Variants in DGKD observed in about 807,000 individuals in gnomAD.
DGKD encodes diacylglycerol kinase delta.
Under a neutral mutation model 154.4 loss-of-function variants are expected in DGKD, and 68 were observed. The observed-to-expected ratio is 0.44, with a 90% confidence interval of 0.36 to 0.54. DGKD has a LOEUF of 0.54. DGKD is among the 20% of genes least tolerant of loss of function. The probability of loss-of-function intolerance (pLI) is 0.00; values close to 1 mark genes in which losing one functional copy is unlikely to be tolerated. For synonymous variants in DGKD, 693 were observed against 638.0 expected (o/e 1.09, Z -1.30); for missense variants, 1,343 against 1,593.6 (o/e 0.84, Z 2.68).
intron 1 of DGKD, among the ~76,000 whole-genome samples, chr2:233,380,292 G>A (rs1411113469): frequency 6.6e-6 from 1 of 152,128 alleles, no homozygotes; most frequent in African/African-American, 2.4e-5. Flanking sequence ...CCCTGGGGAC[G>A]CCAGCCTGCA....
Position 233,442,008 on chromosome 2 carries a change from G to T in DGKD, c.1194+13G>T. 6.2e-7 allele frequency: 1 copy of T among 1,611,996 alleles called. No homozygotes were observed. Among genetic ancestry groups the T allele is most frequent in the East Asian group, 2.2e-5 (1 of 44,876 alleles). On this transcript the variant is annotated intron_variant, in intron 10 of 29. Coordinates refer to ENST00000264057, the MANE Select transcript of DGKD (RefSeq NM_152879.3). ...CCTTCATAAACAGGTACCAGGACAGGAGGGAGCCCAGCCAGGAGCAGAGAG... is the reference window on the plus strand; with the variant it reads ...CCTTCATAAACAGGTACCAGGACAGTAGGGAGCCCAGCCAGGAGCAGAGAG...
chr2:233,448,660 T>C (rs1041912578), intron 14 of DGKD, among the ~76,000 whole-genome samples: 4 of 152,220 alleles, frequency 2.6e-5, no homozygotes, highest in African/African-American at 9.6e-5. Flanking sequence ...AAGTATCCCA[T>C]TGGCCACTTC....
chr2:233,441,999 C>T lies in DGKD; in HGVS notation c.1194+4C>T. 1.2e-6 allele frequency: 2 copies of T among 1,613,544 alleles called. No homozygotes were observed. Among genetic ancestry groups the T allele is most frequent in the Middle Eastern group, 1.7e-4 (1 of 6,060 alleles). On this transcript the variant is annotated splice_donor_region_variant and intron_variant, in intron 10 of 29. Transcript: ENST00000264057. The surrounding 1 kb of genome is among the most constrained non-coding windows in gnomAD (Gnocchi z 5.6). ...CAGCCTCAACCTTCATAAACAGGTA[C>T]CAGGACAGGAGGGAGCCCAGCCAGG...
At chr2:233,387,751 T>TG (rs1703282720) in intron 1 of DGKD, among the ~76,000 whole-genome samples, 1 of 152,068 alleles carries the variant, frequency 6.6e-6, no homozygotes, top group South Asian at 2.1e-4. Flanking sequence ...CTGTGAGTGG[T>TG]GGGTTGGGCT....
In DGKD at chr2:233,459,915, C is replaced by A; in HGVS notation, c.2829+24C>A. On this transcript the variant is annotated intron_variant, in intron 23 of 29. Transcript: ENST00000264057. The surrounding 1 kb of genome is among the most constrained non-coding windows in gnomAD (Gnocchi z 5.7). Reference sequence around the variant, plus strand: ...GGGTAAGAGCGGCTGCCCGCGGTACCTGGGTGGGGTACAGGGCTCACCTGT... The same window carrying A: ...GGGTAAGAGCGGCTGCCCGCGGTACATGGGTGGGGTACAGGGCTCACCTGT... 6.2e-7 allele frequency: 1 copy of A among 1,610,504 alleles called. No individual in the cohort carries two copies. Among genetic ancestry groups the A allele is most frequent in the Non-Finnish European group, 8.5e-7 (1 of 1,178,094 alleles).
intron 3 of DGKD, among the ~76,000 whole-genome samples, chr2:233,393,902 G>A (rs374211315): frequency 1.4e-4 from 21 of 151,506 alleles, no homozygotes; most frequent in South Asian, 1.0e-3. Context: ...GGCTGGTCTC[G>A]AACTCCTGAC....
At chr2:233,403,499 T>G (rs972121383) in intron 3 of DGKD, among the ~76,000 whole-genome samples, 2 of 151,454 alleles carry the variant, frequency 1.3e-5, no homozygotes, top group Non-Finnish European at 2.9e-5. Flanking sequence ...AGGTGGAGGT[T>G]GCAGTGAGCC....
At chr2:233,429,890 G>A (rs1006374313) in intron 3 of DGKD, among the ~76,000 whole-genome samples, 3 of 152,228 alleles carry the variant, frequency 2.0e-5, no homozygotes, top group Admixed American at 6.5e-5. Context: ...ATGCAGTGGC[G>A]ACCCAGTTCC....
intron 3 of DGKD, among the ~76,000 whole-genome samples, chr2:233,424,241 T>C (rs2062216881): frequency 6.6e-6 from 1 of 152,192 alleles, no homozygotes; most frequent in African/African-American, 2.4e-5. Flanking sequence ...TCATTTAAAG[T>C]GTCATTTATG....
At chr2:233,462,295 A>G (rs911773926) in intron 24 of DGKD, 53 bp from the exon 25 acceptor site, 2 of 1,451,336 alleles carry the variant, frequency 1.4e-6, no homozygotes, top group Admixed American at 3.5e-5. Context: ...GTATTGTGAA[A>G]GGCTGCCCTT....
Position 233,367,851 on chromosome 2 carries a change from CTTTT to C in DGKD, c.156+13193_156+13196del, listed in dbSNP as rs66652929. Among the ~76,000 whole-genome samples the C allele has an allele frequency of 4.1e-3, 511 of 124,042 alleles. 1 individual carries two copies. The highest frequency in any genetic ancestry group is 0.012 in the African/African-American group (388 of 31,648). 81.4% of individuals were successfully genotyped at this position (124,042 alleles called of 152,430 possible). On this transcript the variant is annotated intron_variant, in intron 1 of 29. Transcript: ENST00000264057. The stretch of plus-strand genomic sequence containing the variant: ...GGTCTTTTCTTCCTCTTTTTTTTTT[CTTTT>C]TTTTTTTTTTTTTTTAATAGAAGTG...
chr2:233,377,947 G>A (rs1275727979), intron 1 of DGKD, among the ~76,000 whole-genome samples: 1 of 151,790 alleles, frequency 6.6e-6, no homozygotes, highest in Non-Finnish European at 1.5e-5. Context: ...TCAAGTAGCT[G>A]GAGCTATAGG....
At chr2:233,425,268 A>G (rs1482752013) in intron 3 of DGKD, among the ~76,000 whole-genome samples, 1 of 151,940 alleles carries the variant, frequency 6.6e-6, no homozygotes, top group East Asian at 1.9e-4. Flanking sequence ...CTCACTGCAA[A>G]TTCCACCTGC....
intron 3 of DGKD, among the ~76,000 whole-genome samples, chr2:233,417,098 T>A (rs2061978581): frequency 6.6e-6 from 1 of 152,214 alleles, no homozygotes; most frequent in African/African-American, 2.4e-5. Flanking sequence ...AGTTGTGCGA[T>A]CACAGCTCAT....
intron 3 of DGKD, among the ~76,000 whole-genome samples, chr2:233,400,239 G>A (rs1047810720): frequency 2.6e-5 from 4 of 152,228 alleles, no homozygotes; most frequent in African/African-American, 7.2e-5. Context: ...GACTAAGTAG[G>A]AAGAGGGCTC....
At position 233,438,755 on chromosome 2, in the gene DGKD, C is replaced by CATCT. The variant is rs3835771; in HGVS notation, c.1085+433_1085+436dup. The stretch of plus-strand genomic sequence containing the variant: ...ATTTTTTATTTATCTGTCTATCTAT[C>CATCT]ATCTATCTATCTATCTATCTATCTA... On this transcript the variant is annotated intron_variant, in intron 9 of 29. Coordinates refer to ENST00000264057, the MANE Select transcript of DGKD (RefSeq NM_152879.3). The surrounding 1 kb of genome is among the most constrained non-coding windows in gnomAD (Gnocchi z 4.1). Among the ~76,000 whole-genome samples the CATCT allele has an allele frequency of 0.063, 8,300 of 132,184 alleles. 254 individuals carry two copies. The highest frequency in any genetic ancestry group is 0.079 in the African/African-American group (2,576 of 32,678). 86.7% of individuals were successfully genotyped at this position (132,184 alleles called of 152,430 possible).
chr2:233,388,508 G>A (rs770938868), intron 2 of DGKD, 141 bp downstream of exon 2: 2 of 715,616 alleles, frequency 2.8e-6, no homozygotes, highest in African/African-American at 1.8e-5. Context: ...AACACTCCAC[G>A]CTGTCAGGTT....
chr2:233,390,590 T>C (rs551369812), intron 3 of DGKD, 107 bp downstream of exon 3: 1 of 722,920 alleles, frequency 1.4e-6, no homozygotes, highest in Admixed American at 2.9e-5. Context: ...CTTTTCTTAC[T>C]GATTGGAATG....
intron 3 of DGKD, among the ~76,000 whole-genome samples, chr2:233,406,798 T>G (rs1042419757): frequency 6.6e-6 from 1 of 152,192 alleles, no homozygotes; most frequent in African/African-American, 2.4e-5. Flanking sequence ...ATGGCACTTC[T>G]GCGGACATCC....
Sources: gnomAD v4.1 joint callset for allele counts (sites outside exome capture counted in the v4.1 genomes callset) on GRCh38, gnomAD v4.1.1 for gene constraint, Gnocchi (gnomAD v3.1) non-coding constraint, MANE v1.5 for transcripts, NCBI Gene and HGNC (gene_info 2026-07-23, HGNC 2026-07-21) for gene names.